Variants in TAFA4 observed in about 807,000 individuals in gnomAD.
TAFA4 encodes chemokine-like protein TAFA-4.
TAFA4 carries 20 observed loss-of-function variants against 21.1 expected under a neutral mutation model. That is an observed-to-expected ratio of 0.95 (90% CI 0.67 to 1.38). The LOEUF (loss-of-function observed/expected upper bound fraction) is 1.38. TAFA4 is among the 40% of genes most tolerant of loss of function. The pLI is 0.00. For missense variants in TAFA4, 211 were observed against 180.9 expected (o/e 1.17, Z -0.95); for synonymous variants, 71 against 67.4 (o/e 1.05, Z -0.26).
At chr3:68,742,318 A>T (rs1307911086) in intron 4 of TAFA4, among the ~76,000 whole-genome samples, 10 of 152,230 alleles carry the variant, frequency 6.6e-5, no homozygotes, top group Admixed American at 3.3e-4. Flanking sequence ...AGAAAAAAAT[A>T]AAAAAGGTAC....
rs527553560 is a variant in TAFA4, at chr3:68,868,258, A to G, written c.130+12472T>C. Among the ~76,000 whole-genome samples the G allele has an allele frequency of 3.9e-5, 6 of 152,220 alleles. No individual in the cohort carries two copies. In the East Asian group the frequency reaches 9.6e-4, roughly 24 times the overall value. On this transcript the variant is annotated intron_variant, in intron 3 of 5. Coordinates refer to ENST00000295569, the MANE Select transcript of TAFA4 (RefSeq NM_182522.5). ...TGTAAAAGAGACAAAGAGGTTCACT[A>G]TATAACGATAAAGGGGTGAATTCAG...
intron 3 of TAFA4, among the ~76,000 whole-genome samples, chr3:68,835,470 C>T (rs1704501364): frequency 6.6e-6 from 1 of 152,178 alleles, no homozygotes; most frequent in South Asian, 2.1e-4. Flanking sequence ...AAATGCATTT[C>T]TTCCTTGTTA....
At chr3:68,733,465 T>C (rs1044713433) in intron 5 of TAFA4, among the ~76,000 whole-genome samples, 20 of 152,232 alleles carry the variant, frequency 1.3e-4, no homozygotes, top group African/African-American at 4.8e-4. Context: ...GAGCATGCTT[T>C]GTTAATGGCA....
chr3:68,916,781 G>C (rs1274582842), intron 1 of TAFA4, among the ~76,000 whole-genome samples: 1 of 152,102 alleles, frequency 6.6e-6, no homozygotes, highest in Non-Finnish European at 1.5e-5. Context: ...TCACTTCATA[G>C]CCCAAAATAG....
At chr3:68,806,016 A>C (rs1391361875) in intron 3 of TAFA4, among the ~76,000 whole-genome samples, 1 of 152,176 alleles carries the variant, frequency 6.6e-6, no homozygotes, top group Non-Finnish European at 1.5e-5. Flanking sequence ...AAATAAAAAA[A>C]TAAATTATCA....
intron 3 of TAFA4, among the ~76,000 whole-genome samples, chr3:68,790,250 T>C (rs1703336944): frequency 6.6e-6 from 1 of 151,858 alleles, no homozygotes; most frequent in Admixed American, 6.6e-5. Context: ...GATATGTACA[T>C]TTTAAGCCCT....
At chr3:68,902,730 A>T (rs1559558421) in intron 1 of TAFA4, among the ~76,000 whole-genome samples, 2 of 152,060 alleles carry the variant, frequency 1.3e-5, no homozygotes, top group Non-Finnish European at 2.9e-5. Context: ...CTCTATTAAC[A>T]TGTTTCCCTT....
At chr3:68,801,649 T>A (rs1318912041) in intron 3 of TAFA4, among the ~76,000 whole-genome samples, 1 of 152,212 alleles carries the variant, frequency 6.6e-6, no homozygotes, top group African/African-American at 2.4e-5. Flanking sequence ...CAAGGGTTAG[T>A]GAACCTTTTC....
intron 3 of TAFA4, among the ~76,000 whole-genome samples, chr3:68,850,826 G>C (rs535312714): frequency 6.6e-6 from 1 of 151,966 alleles, no homozygotes; most frequent in African/African-American, 2.4e-5. Context: ...CTCTCACTCT[G>C]TAGGTTGCCT....
intron 3 of TAFA4, among the ~76,000 whole-genome samples, chr3:68,834,161 G>T (rs1223851610): frequency 6.6e-6 from 1 of 152,144 alleles, no homozygotes; most frequent in Non-Finnish European, 1.5e-5. Context: ...TTCCCTGGAA[G>T]GATCCCTTTT....
At chr3:68,872,491 G>A (rs897283786) in intron 3 of TAFA4, among the ~76,000 whole-genome samples, 1 of 151,900 alleles carries the variant, frequency 6.6e-6, no homozygotes, top group African/African-American at 2.4e-5. Flanking sequence ...TCAATAGTAT[G>A]GTACGGTAAC....
intron 1 of TAFA4, among the ~76,000 whole-genome samples, chr3:68,916,502 A>G (rs189272064): frequency 1.3e-5 from 2 of 152,302 alleles, no homozygotes; most frequent in Admixed American, 1.3e-4. Flanking sequence ...ATGTAACTCG[A>G]AGTATTCTGG....
At chr3:68,852,193 C>A (rs1232660304) in intron 3 of TAFA4, among the ~76,000 whole-genome samples, 4 of 152,098 alleles carry the variant, frequency 2.6e-5, no homozygotes, top group Non-Finnish European at 5.9e-5. Flanking sequence ...ATCTGTAGGA[C>A]CAAAGTTTGG....
intron 4 of TAFA4, among the ~76,000 whole-genome samples, chr3:68,747,574 T>C (rs754971146): frequency 6.6e-6 from 1 of 152,144 alleles, no homozygotes; most frequent in African/African-American, 2.4e-5. Flanking sequence ...CCATTAAACC[T>C]CTTTTGCTTT....
At chr3:68,905,805 T>C (rs537032850) in intron 1 of TAFA4, among the ~76,000 whole-genome samples, 6 of 152,310 alleles carry the variant, frequency 3.9e-5, no homozygotes, top group African/African-American at 9.6e-5. Flanking sequence ...AAACGTACCA[T>C]GGAAATTTAT....
chr3:68,906,288 C>T (rs376501747), intron 1 of TAFA4, among the ~76,000 whole-genome samples: 2 of 152,304 alleles, frequency 1.3e-5, no homozygotes, highest in African/African-American at 2.4e-5. Flanking sequence ...ACATGTCCCT[C>T]CCTGGGCATT....
intron 3 of TAFA4, among the ~76,000 whole-genome samples, chr3:68,814,015 C>A (rs552696765): frequency 6.6e-6 from 1 of 152,108 alleles, no homozygotes; most frequent in Admixed American, 6.6e-5. Context: ...GTTCAACATA[C>A]GCAAATCAAT....
intron 4 of TAFA4, among the ~76,000 whole-genome samples, chr3:68,742,644 C>T (rs893714374): frequency 6.6e-6 from 1 of 152,248 alleles, no homozygotes; most frequent in Admixed American, 6.5e-5. Flanking sequence ...TTGGTGCACC[C>T]CTCACCTATC....
At chr3:68,787,639 A>G (rs1703285736) in intron 3 of TAFA4, among the ~76,000 whole-genome samples, 1 of 152,238 alleles carries the variant, frequency 6.6e-6, no homozygotes, top group Non-Finnish European at 1.5e-5. Context: ...GTCACATCTG[A>G]TCTACACCAC....
Sources: allele counts gnomAD v4.1 joint callset (sites outside exome capture counted in the v4.1 genomes callset), GRCh38; gene constraint gnomAD v4.1.1; transcripts MANE v1.5; gene names NCBI Gene and HGNC (gene_info 2026-07-23, HGNC 2026-07-21).